Variants in VWC2L observed in about 807,000 individuals in gnomAD.
The protein encoded by VWC2L is von Willebrand factor C domain containing 2 like, also known as von Willebrand factor C domain-containing protein 2-like.
VWC2L carries 10 observed loss-of-function variants against 21.6 expected under a neutral mutation model. The ratio of observed to expected loss-of-function variants is 0.46; its 90% CI spans 0.29 to 0.78. The LOEUF is 0.78. VWC2L is among the 30% of genes least tolerant of loss of function. The pLI, the probability that VWC2L is intolerant of heterozygous loss-of-function variation, is 0.10. For synonymous variants in VWC2L, 96 were observed against 94.3 expected (o/e 1.02, Z -0.10); for missense variants, 209 against 277.1 (o/e 0.75, Z 1.74).
At chr2:214,518,903 G>A (rs1689187479) in intron 3 of VWC2L, among the ~76,000 whole-genome samples, 1 of 152,052 alleles carries the variant, frequency 6.6e-6, no homozygotes, top group South Asian at 2.1e-4. Context: ...TTTTTAAGGG[G>A]AGTATCCACT....
chr2:214,440,986 A>G (rs773614880), intron 3 of VWC2L, among the ~76,000 whole-genome samples: 6 of 152,174 alleles, frequency 3.9e-5, no homozygotes, highest in Non-Finnish European at 7.4e-5. Context: ...TTGAAAAGAC[A>G]GAACGCTCCC....
chr2:214,523,784 G>A (rs1022326159), intron 3 of VWC2L, among the ~76,000 whole-genome samples: 51 of 152,122 alleles, frequency 3.4e-4, no homozygotes, highest in African/African-American at 8.9e-4. Flanking sequence ...GCAGTGAGCC[G>A]AGATCGCACC....
chr2:214,535,711 G>C (rs1042823320), intron 3 of VWC2L, among the ~76,000 whole-genome samples: 1 of 151,966 alleles, frequency 6.6e-6, no homozygotes, highest in Non-Finnish European at 1.5e-5. Context: ...CAGCTACAGA[G>C]TACTTAGATC....
At chr2:214,517,496 G>A (rs950409992) in intron 3 of VWC2L, among the ~76,000 whole-genome samples, 4 of 152,284 alleles carry the variant, frequency 2.6e-5, no homozygotes, top group African/African-American at 9.6e-5. Flanking sequence ...CTCTAGGCAT[G>A]AGATCCAGGT....
intron 3 of VWC2L, among the ~76,000 whole-genome samples, chr2:214,518,343 GATTA>G (rs1197572901): frequency 6.6e-6 from 1 of 152,154 alleles, no homozygotes; most frequent in African/African-American, 2.4e-5. Flanking sequence ...TTCCTTGGAG[GATTA>G]ATTTAGATAA....
intron 3 of VWC2L, among the ~76,000 whole-genome samples, chr2:214,450,695 G>A (rs1016267230): frequency 5.9e-5 from 9 of 152,200 alleles, no homozygotes; most frequent in Non-Finnish European, 1.5e-5. Flanking sequence ...AGAGATGCCT[G>A]TAGGATGAGT....
At chr2:214,522,350 G>T (rs1227017064) in intron 3 of VWC2L, among the ~76,000 whole-genome samples, 2 of 148,950 alleles carry the variant, frequency 1.3e-5, no homozygotes, top group East Asian at 4.0e-4. Flanking sequence ...ACTCCAGGCT[G>T]GGGGACAGAG....
chr2:214,569,351 A>C (rs56008220), intron 3 of VWC2L, among the ~76,000 whole-genome samples: 5,617 of 151,940 alleles, frequency 0.037, 254 homozygotes, highest in African/African-American at 0.1. Context: ...ACACACACAC[A>C]CCCCTACATA....
At chr2:214,440,700 C>T (rs1574565697) in intron 3 of VWC2L, among the ~76,000 whole-genome samples, 2 of 152,190 alleles carry the variant, frequency 1.3e-5, no homozygotes, top group East Asian at 3.9e-4. Flanking sequence ...CAAACTCTTG[C>T]TCTGCAGCCA....
chr2:214,505,318 A>C (rs570636815), intron 3 of VWC2L, among the ~76,000 whole-genome samples: 1 of 152,226 alleles, frequency 6.6e-6, no homozygotes, highest in South Asian at 2.1e-4. Context: ...ACCAAAACAA[A>C]CAGTGGTACA....
chr2:214,475,780 T>C (rs1404742400), intron 3 of VWC2L, among the ~76,000 whole-genome samples: 3 of 151,880 alleles, frequency 2.0e-5, no homozygotes, highest in Non-Finnish European at 4.4e-5. Flanking sequence ...TCAACAAAAA[T>C]GTTGACCTGT....
intron 2 of VWC2L, among the ~76,000 whole-genome samples, chr2:214,425,108 T>C (rs536122805): frequency 1.3e-5 from 2 of 152,336 alleles, no homozygotes; most frequent in South Asian, 4.1e-4. Flanking sequence ...AGGCACTGTA[T>C]GACCCACAAA....
intron 3 of VWC2L, among the ~76,000 whole-genome samples, chr2:214,463,747 T>C (rs1703175627): frequency 6.6e-6 from 1 of 152,176 alleles, no homozygotes. Context: ...TATACATCTT[T>C]AGCTTATCAC....
At chr2:214,490,637 A>T (rs1208462950) in intron 3 of VWC2L, among the ~76,000 whole-genome samples, 2 of 152,164 alleles carry the variant, frequency 1.3e-5, no homozygotes, top group African/African-American at 2.4e-5. Context: ...GTACAAAGGG[A>T]AACAGGCCCC....
intron 2 of VWC2L, among the ~76,000 whole-genome samples, chr2:214,434,199 T>C (rs1702643645): frequency 1.3e-5 from 2 of 152,204 alleles, no homozygotes; most frequent in African/African-American, 4.8e-5. Context: ...TCTTGTGGTC[T>C]TAGATCTTCC....
chr2:214,537,646 A>G (rs889933583), intron 3 of VWC2L, among the ~76,000 whole-genome samples: 3 of 152,040 alleles, frequency 2.0e-5, no homozygotes, highest in African/African-American at 7.2e-5. Flanking sequence ...GAACATGTCA[A>G]TTACCTTGAT....
intron 3 of VWC2L, among the ~76,000 whole-genome samples, chr2:214,448,834 CATTGAGA>C (rs1702912077): frequency 6.6e-6 from 1 of 152,128 alleles, no homozygotes; most frequent in African/African-American, 2.4e-5. Context: ...TTAGACCAGC[CATTGAGA>C]AAACATGTGA....
chr2:214,505,131 A>G (rs1252375817), intron 3 of VWC2L, among the ~76,000 whole-genome samples: 1 of 152,152 alleles, frequency 6.6e-6, no homozygotes, highest in South Asian at 2.1e-4. Context: ...CTCGTTTCCT[A>G]TTTTGGCTAC....
intron 3 of VWC2L, among the ~76,000 whole-genome samples, chr2:214,482,517 ATGTG>A (rs1213085734): frequency 1.3e-5 from 2 of 150,348 alleles, no homozygotes; most frequent in African/African-American, 5.0e-5. Context: ...GTGTATGTAT[ATGTG>A]TGTATCTATA....
Sources: allele counts gnomAD v4.1 joint callset (sites outside exome capture counted in the v4.1 genomes callset), GRCh38; gene constraint gnomAD v4.1.1; transcripts MANE v1.5; gene names NCBI Gene and HGNC (gene_info 2026-07-23, HGNC 2026-07-21).